The following GAREM1 variants were observed in gnomAD, a reference collection of about 807,000 sequenced individuals.
GAREM1 encodes GRB2-associated and regulator of MAPK protein 1.
GAREM1 carries 26 observed loss-of-function variants against 71.3 expected under a neutral mutation model. The observed-to-expected ratio is 0.36, with a 90% CI of 0.27 to 0.51. The LOEUF (loss-of-function observed/expected upper bound fraction) is 0.51, where lower values mean the gene tolerates loss of function less well. Among genes scored for constraint, GAREM1 ranks in the 20% least tolerant of loss-of-function variants. The probability of loss-of-function intolerance (pLI) is 0.95; values close to 1 mark genes in which losing one functional copy is unlikely to be tolerated. For missense variants in GAREM1, 1,026 were observed against 1,103.1 expected, an observed-to-expected ratio of 0.93 and a Z score of 0.99; for synonymous variants, 440 against 433.2, an observed-to-expected ratio of 1.02 and a Z score of -0.20.
At chr18:32,438,422 G>A (rs1011271431) in intron 1 of GAREM1, among the ~76,000 whole-genome samples, 2 of 152,144 alleles carry the variant, frequency 1.3e-5, no homozygotes, top group African/African-American at 2.4e-5. Flanking sequence ...TCCTCCACAT[G>A]GCCCCTTCTG....
rs376855366 is a variant in GAREM1 at position 32,422,138 on chromosome 18, C to G, written c.122-29103G>C. On this transcript the variant is annotated intron_variant, in intron 1 of 5. Transcript: ENST00000269209. ...ATATCTCCTAATGCTATCCCTCCCCCCTTCCCCAACCCCACAACAGGCCCT... is the reference window on the plus strand; with the variant it reads ...ATATCTCCTAATGCTATCCCTCCCCGCTTCCCCAACCCCACAACAGGCCCT... Among the ~76,000 whole-genome samples the G allele has an allele frequency of 3.2e-3, 489 of 152,216 alleles. 5 individuals carry two copies. The highest frequency in any genetic ancestry group is 0.011 in the African/African-American group (458 of 41,528).
At chr18:32,365,715 C>G (rs2047923498) in intron 2 of GAREM1, among the ~76,000 whole-genome samples, 1 of 152,168 alleles carries the variant, frequency 6.6e-6, no homozygotes, top group Non-Finnish European at 1.5e-5. Context: ...TCTTCCAACT[C>G]TGCCACCAGC....
chr18:32,364,028 G>GGTTTTTTTTTTTT (rs2047903236), intron 2 of GAREM1, among the ~76,000 whole-genome samples: 1 of 21,674 alleles, frequency 4.6e-5, no homozygotes, highest in Non-Finnish European at 8.0e-5. Context: ...ATATATATAT[G>GGTTTTTTTTTTTT]TTTTTTTTTT....
At chr18:32,355,152 A>C (rs1163707956) in intron 2 of GAREM1, among the ~76,000 whole-genome samples, 1 of 152,188 alleles carries the variant, frequency 6.6e-6, no homozygotes, top group Non-Finnish European at 1.5e-5. Flanking sequence ...GGAAGAAAAA[A>C]AATTTTTTTA....
intron 2 of GAREM1, among the ~76,000 whole-genome samples, chr18:32,354,688 C>T (rs746486228): frequency 8.5e-5 from 13 of 152,082 alleles, no homozygotes; most frequent in East Asian, 1.9e-4. Context: ...AAACATGGCC[C>T]GGGGAGGAAA....
intron 3 of GAREM1, among the ~76,000 whole-genome samples, chr18:32,304,731 G>A (rs1318805244): frequency 6.6e-6 from 1 of 152,154 alleles, no homozygotes; most frequent in African/African-American, 2.4e-5. Context: ...AAGACACTGT[G>A]GGCTCAGGTC....
intron 3 of GAREM1, among the ~76,000 whole-genome samples, chr18:32,296,661 TG>T (rs1178333549): frequency 6.6e-6 from 1 of 151,626 alleles, no homozygotes; most frequent in Non-Finnish European, 1.5e-5. Flanking sequence ...CCATAGGACT[TG>T]TAGTTTCAAG....
chr18:32,464,905 CA>C (rs2048984972), intron 1 of GAREM1, among the ~76,000 whole-genome samples: 1 of 152,202 alleles, frequency 6.6e-6, no homozygotes, highest in South Asian at 2.1e-4. Context: ...ACACCTGTAA[CA>C]GGGCTTGTCA....
At chr18:32,382,116 T>C (rs1297181730) in intron 2 of GAREM1, among the ~76,000 whole-genome samples, 1 of 152,166 alleles carries the variant, frequency 6.6e-6, no homozygotes, top group Non-Finnish European at 1.5e-5. Flanking sequence ...GAAGAATCCA[T>C]TTCAGTTGGG....
At chr18:32,290,067 G>A (rs2047065615) in intron 3 of GAREM1, among the ~76,000 whole-genome samples, 1 of 151,404 alleles carries the variant, frequency 6.6e-6, no homozygotes, top group East Asian at 1.9e-4. Flanking sequence ...AATTTGCAGT[G>A]TCACTTTTAC....
At chr18:32,384,675 T>C (rs1162043728) in intron 2 of GAREM1, among the ~76,000 whole-genome samples, 1 of 152,184 alleles carries the variant, frequency 6.6e-6, no homozygotes, top group Non-Finnish European at 1.5e-5. Context: ...CTATAATACA[T>C]TGATTACAAA....
chr18:32,280,777 T>A (rs985858095), intron 4 of GAREM1, among the ~76,000 whole-genome samples: 1 of 152,198 alleles, frequency 6.6e-6, no homozygotes, highest in East Asian at 1.9e-4. Flanking sequence ...CCCAGCAGAA[T>A]GAACTAGCAC....
intron 2 of GAREM1, among the ~76,000 whole-genome samples, chr18:32,318,673 G>A (rs11878094): frequency 0.037 from 5,625 of 152,092 alleles, 344 homozygotes; most frequent in African/African-American, 0.13. Context: ...CATGACCTGC[G>A]GTGGGCCCTC....
intron 1 of GAREM1, among the ~76,000 whole-genome samples, chr18:32,451,909 C>A (rs552607907): frequency 3.1e-4 from 47 of 152,228 alleles, no homozygotes; most frequent in Admixed American, 2.8e-3. Context: ...AGTGACAGAG[C>A]CAGCTGCAGA....
intron 1 of GAREM1, among the ~76,000 whole-genome samples, chr18:32,423,010 T>C (rs2048535696): frequency 6.6e-6 from 1 of 152,196 alleles, no homozygotes; most frequent in Non-Finnish European, 1.5e-5. Context: ...TTCTATAAAA[T>C]AAATGAGATA....
At chr18:32,291,773 A>G (rs2047090687) in intron 3 of GAREM1, among the ~76,000 whole-genome samples, 1 of 151,582 alleles carries the variant, frequency 6.6e-6, no homozygotes, top group African/African-American at 2.4e-5. Context: ...TAATTTGCTG[A>G]GAATGATAGT....
intron 4 of GAREM1, among the ~76,000 whole-genome samples, chr18:32,286,118 C>T (rs1455226477): frequency 6.6e-6 from 1 of 152,180 alleles, no homozygotes; most frequent in Non-Finnish European, 1.5e-5. Context: ...CCCTTTCTCC[C>T]TCAGGGATAA....
chr18:32,302,217 T>A (rs1415293186), intron 3 of GAREM1, among the ~76,000 whole-genome samples: 1 of 152,180 alleles, frequency 6.6e-6, no homozygotes, highest in African/African-American at 2.4e-5. Flanking sequence ...ATTTTGTGGC[T>A]TCATATGAAC....
At chr18:32,394,848 G>A (rs1000609631) in intron 1 of GAREM1, among the ~76,000 whole-genome samples, 7 of 152,184 alleles carry the variant, frequency 4.6e-5, no homozygotes, top group African/African-American at 1.7e-4. Flanking sequence ...ACCATGGTGT[G>A]GTCTTGGGCA....
Sources: allele counts gnomAD v4.1 joint callset (sites outside exome capture counted in the v4.1 genomes callset), GRCh38; gene constraint gnomAD v4.1.1; transcripts MANE v1.5; gene names NCBI Gene and HGNC (gene_info 2026-07-23, HGNC 2026-07-21).